ZNF536: variants seen among roughly 807,000 people sequenced by gnomAD.
The protein encoded by ZNF536 is zinc finger protein 536.
In ZNF536, 13 loss-of-function variants were observed where a neutral mutation model predicts 84.5. The observed-to-expected ratio is 0.15, with a 90% confidence interval of 0.10 to 0.24. The LOEUF is 0.24. Among genes scored for constraint, ZNF536 ranks in the 10% least tolerant of loss-of-function variants. ZNF536 has a pLI of 1.00. For synonymous variants in ZNF536, 811 were observed against 742.5 expected (o/e 1.09, Z -1.50); for missense variants, 1,536 against 1,747.5 (o/e 0.88, Z 2.16).
At chr19:30,580,431 G>A (rs1396644548) in intron 1 of ZNF536, among the ~76,000 whole-genome samples, 3 of 152,208 alleles carry the variant, frequency 2.0e-5, no homozygotes, top group African/African-American at 7.2e-5. Context: ...GGTGTACTCA[G>A]CACAACTGTG....
intron 1 of ZNF536, among the ~76,000 whole-genome samples, chr19:30,598,033 T>G (rs1385240381): frequency 1.3e-5 from 2 of 152,218 alleles, no homozygotes; most frequent in East Asian, 1.9e-4. Context: ...GTTGATGGTG[T>G]TGTTGTATGC....
intron 2 of ZNF536, among the ~76,000 whole-genome samples, chr19:30,480,037 C>A (rs1221266540): frequency 6.6e-6 from 1 of 152,200 alleles, no homozygotes; most frequent in Non-Finnish European, 1.5e-5. Flanking sequence ...AAGACCCATG[C>A]TGAAGTCAGT....
intron 2 of ZNF536, among the ~76,000 whole-genome samples, chr19:30,485,453 C>T (rs566056639): frequency 6.6e-6 from 1 of 152,302 alleles, no homozygotes; most frequent in East Asian, 1.9e-4. Flanking sequence ...GCTAGCAACT[C>T]CCAGCCCAAG....
rs79536254 is a variant in ZNF536 at position 30,620,480 on chromosome 19, G to T, written c.169+70966G>T. On this transcript the variant is annotated intron_variant, in intron 1 of 1. Coordinates refer to the ZNF536 transcript ENST00000592773. ...ACTGCCTGGTGGTGACATTCACCCAGATGGGGAATGGAAGTCCTGCAGGTT... is the reference window on the plus strand; with the variant it reads ...ACTGCCTGGTGGTGACATTCACCCATATGGGGAATGGAAGTCCTGCAGGTT... Among the ~76,000 whole-genome samples the T allele has an allele frequency of 3.9e-3, 599 of 152,302 alleles. 6 individuals are homozygous for T. The highest frequency in any genetic ancestry group is 0.013 in the African/African-American group (555 of 41,566).
chr19:30,401,217 C>A (rs2050032325), intron 1 of ZNF536, among the ~76,000 whole-genome samples: 1 of 152,122 alleles, frequency 6.6e-6, no homozygotes, highest in Non-Finnish European at 1.5e-5. Context: ...CCATTCTGTT[C>A]CATTGATCTA....
In ZNF536 at chr19:30,646,965, T is replaced by A. The variant is rs569125914; in HGVS notation, c.170-63792T>A. On this transcript the variant is annotated intron_variant, in intron 1 of 1. Coordinates refer to the ZNF536 transcript ENST00000592773. ...TAGTAATGCTCACAAGTACCCTTGG[T>A]CCAGACAATTCTTCATTCATTCTCC... is the stretch of plus-strand genomic sequence containing the variant. 2.0e-5 allele frequency among the ~76,000 whole-genome samples: 3 copies of A among 152,254 alleles called. No individual in the cohort carries two copies. In the East Asian group the frequency reaches 5.8e-4, roughly 29 times the overall value.
Position 30,269,040 on chromosome 19 carries a change from T to C in ZNF536, c.-189-15032T>C, listed in dbSNP as rs73924256. ...CAATGCAAGTCCCGCTCAGGTTACATAGCATATGCTAAACACTGAGGAAAC... is the reference window on the plus strand; with the variant it reads ...CAATGCAAGTCCCGCTCAGGTTACACAGCATATGCTAAACACTGAGGAAAC... On this transcript the variant is annotated intron_variant, in intron 1 of 5. Transcript: ENST00000585628. Among the ~76,000 whole-genome samples the C allele has an allele frequency of 4.2e-3, 633 of 152,362 alleles. 4 individuals are homozygous for C. Among genetic ancestry groups the C allele is most frequent in the African/African-American group, 0.015 (605 of 41,582 alleles).
At chr19:30,515,027 C>T (rs952753890) in intron 2 of ZNF536, among the ~76,000 whole-genome samples, 4 of 152,126 alleles carry the variant, frequency 2.6e-5, no homozygotes, top group Non-Finnish European at 5.9e-5. Context: ...ATGGGAGGAT[C>T]ATTTGATGAG....
intron 2 of ZNF536, among the ~76,000 whole-genome samples, chr19:30,512,757 G>A (rs1354873794): frequency 1.3e-5 from 2 of 152,230 alleles, no homozygotes; most frequent in Non-Finnish European, 2.9e-5. Context: ...GGATAATGCA[G>A]TGCTGTTTAA....
chr19:30,610,411 T>A (rs906607656), intron 1 of ZNF536, among the ~76,000 whole-genome samples: 10 of 152,124 alleles, frequency 6.6e-5, no homozygotes, highest in Non-Finnish European at 1.3e-4. Context: ...AGATCCCCCT[T>A]GGTGGCCAGT....
intron 1 of ZNF536, among the ~76,000 whole-genome samples, chr19:30,563,429 TA>T (rs2046242343): frequency 6.6e-6 from 1 of 152,240 alleles, no homozygotes; most frequent in African/African-American, 2.4e-5. Context: ...AGGAAATTTT[TA>T]AAAATCATCT....
At chr19:30,640,850 C>T (rs545510915) in intron 1 of ZNF536, among the ~76,000 whole-genome samples, 77 of 152,240 alleles carry the variant, frequency 5.1e-4, no homozygotes, top group Non-Finnish European at 5.7e-4. Context: ...CTCGTGTCAG[C>T]AGCAGAATGC....
chr19:30,650,597 T>C (rs2049664767), intron 1 of ZNF536, among the ~76,000 whole-genome samples: 1 of 152,192 alleles, frequency 6.6e-6, no homozygotes, highest in African/African-American at 2.4e-5. Flanking sequence ...TCCTCCCACA[T>C]TGTAAATTGG....
intron 3 of ZNF536, among the ~76,000 whole-genome samples, chr19:30,363,518 C>T (rs528514424): frequency 6.6e-6 from 1 of 152,088 alleles, no homozygotes; most frequent in Non-Finnish European, 1.5e-5. Context: ...CCCGGAACCA[C>T]CATCCTAGGC....
At chr19:30,461,127 C>T (rs1450630626) in intron 2 of ZNF536, among the ~76,000 whole-genome samples, 1 of 152,142 alleles carries the variant, frequency 6.6e-6, no homozygotes, top group African/African-American at 2.4e-5. Flanking sequence ...CAGAAGGTAT[C>T]ACTGGGAATC....
chr19:30,374,114 A>G (rs1455580113), intron 1 of ZNF536, among the ~76,000 whole-genome samples: 1 of 152,234 alleles, frequency 6.6e-6, no homozygotes, highest in African/African-American at 2.4e-5. Context: ...CGTAACTCCA[A>G]TTAAATAATA....
exon 2 of ZNF536, chr19:30,712,631 G>T (rs1401901252): frequency 6.6e-6 from 1 of 152,140 alleles, no homozygotes; most frequent in East Asian, 1.9e-4. Context: ...TGTCAAAAGG[G>T]TGTCATCTAA....
intron 1 of ZNF536, among the ~76,000 whole-genome samples, chr19:30,634,657 C>T (rs1205770409): frequency 1.3e-5 from 2 of 152,222 alleles, no homozygotes; most frequent in South Asian, 2.1e-4. Context: ...GGCTGTGGTC[C>T]TCTCCACTTA....
intron 2 of ZNF536, among the ~76,000 whole-genome samples, chr19:30,302,740 A>G (rs1235361013): frequency 2.0e-5 from 3 of 151,932 alleles, no homozygotes; most frequent in Non-Finnish European, 4.4e-5. Flanking sequence ...GGCCCTCTAT[A>G]TAGAATGTCA....
Sources: gnomAD v4.1 joint callset for allele counts (sites outside exome capture counted in the v4.1 genomes callset) on GRCh38, gnomAD v4.1.1 for gene constraint, MANE v1.5 for transcripts, NCBI Gene and HGNC (gene_info 2026-07-23, HGNC 2026-07-21) for gene names.